MALRD1: variants seen among roughly 807,000 people sequenced by gnomAD.
MALRD1 encodes MAM and LDL-receptor class A domain-containing protein 1.
MALRD1 carries 247 observed loss-of-function variants against 242.1 expected under a neutral mutation model. The observed-to-expected ratio is 1.02, with a 90% CI of 0.92 to 1.13. The LOEUF (loss-of-function observed/expected upper bound fraction) is 1.13, where lower values mean the gene tolerates loss of function less well. Ranked by LOEUF, MALRD1 falls within the 50% of genes most tolerant of loss-of-function variation. MALRD1 has a pLI of 0.00. For missense variants in MALRD1, 2,989 were observed against 2,533.1 expected (o/e 1.18, Z -3.86); for synonymous variants, 995 against 866.6 (o/e 1.15, Z -2.60).
At chr10:19,513,130 A>G (rs2131294033) in intron 31 of MALRD1, among the ~76,000 whole-genome samples, 1 of 152,276 alleles carries the variant, frequency 6.6e-6, no homozygotes, top group East Asian at 1.9e-4. Context: ...TCATGTTAAA[A>G]GGTAATCCCC....
At chr10:19,508,075 A>G (rs1450300835) in intron 31 of MALRD1, among the ~76,000 whole-genome samples, 2 of 150,654 alleles carry the variant, frequency 1.3e-5, no homozygotes, top group East Asian at 3.9e-4. Flanking sequence ...GTTGTTGTTG[A>G]TAAGTGCTAT....
At chr10:19,412,036 C>T (rs750339142) in intron 28 of MALRD1, among the ~76,000 whole-genome samples, 2 of 152,204 alleles carry the variant, frequency 1.3e-5, no homozygotes, top group Non-Finnish European at 2.9e-5. Flanking sequence ...CAGTGACTCA[C>T]ACCTGCAATC....
intron 12 of MALRD1, 148 bp downstream of exon 12, chr10:19,155,320 C>T: frequency 2.5e-6 from 1 of 401,994 alleles, no homozygotes; most frequent in South Asian, 1.4e-4. Flanking sequence ...ACACAAAATG[C>T]TACGTCCTTC....
chr10:19,132,599 A>G (rs915083882), intron 8 of MALRD1, among the ~76,000 whole-genome samples: 2 of 152,170 alleles, frequency 1.3e-5, no homozygotes, highest in African/African-American at 4.8e-5. Context: ...ACAAATATTG[A>G]TATCAAGTAT....
chr10:19,544,760 C>T (rs1835135867), intron 32 of MALRD1, among the ~76,000 whole-genome samples: 1 of 152,044 alleles, frequency 6.6e-6, no homozygotes, highest in Non-Finnish European at 1.5e-5. Flanking sequence ...ATTTCTCTAC[C>T]TTCTTGGCAA....
At chr10:19,443,097 T>C (rs1834763483) in intron 28 of MALRD1, among the ~76,000 whole-genome samples, 1 of 152,236 alleles carries the variant, frequency 6.6e-6, no homozygotes. Context: ...TTTTCTAGTT[T>C]ATTTGCATAG....
intron 5 of MALRD1, among the ~76,000 whole-genome samples, chr10:19,106,308 G>A (rs1049988887): frequency 2.0e-5 from 3 of 151,764 alleles, no homozygotes; most frequent in Non-Finnish European, 4.4e-5. Flanking sequence ...CAGGTTCTGG[G>A]TTGTTCTTTG....
rs539924326 is a variant in MALRD1, at chr10:19,354,619, T to G, written c.4441+2322T>G. 5.9e-5 allele frequency among the ~76,000 whole-genome samples: 9 copies of G among 152,256 alleles called. No homozygotes were observed. In the South Asian group the frequency reaches 1.7e-3, roughly 28 times the overall value. On this transcript the variant is annotated intron_variant, in intron 26 of 39. Transcript: ENST00000454679. The stretch of plus-strand genomic sequence containing the variant: ...GTTCTCGCATGTGAGTGAGAACACG[T>G]GATATTTGTCTCTCTGCCTGGCTTA...
At chr10:19,151,213 T>G (rs1833934155) in intron 11 of MALRD1, among the ~76,000 whole-genome samples, 1 of 152,150 alleles carries the variant, frequency 6.6e-6, no homozygotes. Context: ...TGTCTCAATT[T>G]ATTTGGGTTC....
chr10:19,447,823 C>G (rs1835085353), intron 28 of MALRD1, among the ~76,000 whole-genome samples: 1 of 152,064 alleles, frequency 6.6e-6, no homozygotes, highest in South Asian at 2.1e-4. Flanking sequence ...AAAGACTAAC[C>G]TTGAGAAGGA....
intron 24 of MALRD1, among the ~76,000 whole-genome samples, chr10:19,337,262 A>C (rs1198502738): frequency 6.6e-6 from 1 of 152,158 alleles, no homozygotes; most frequent in Non-Finnish European, 1.5e-5. Flanking sequence ...GCTTGTTAAG[A>C]GGTGATCAGT....
chr10:19,337,810 C>T (rs1009144815), intron 24 of MALRD1, among the ~76,000 whole-genome samples: 4 of 151,948 alleles, frequency 2.6e-5, no homozygotes, highest in Non-Finnish European at 4.4e-5. Context: ...CGACTGTAAT[C>T]CCAGCACTTT....
intron 11 of MALRD1, among the ~76,000 whole-genome samples, chr10:19,146,808 C>T (rs1352067596): frequency 6.6e-6 from 1 of 152,258 alleles, no homozygotes. Context: ...AATAAACAGT[C>T]TTATTCTTCC....
intron 24 of MALRD1, among the ~76,000 whole-genome samples, chr10:19,333,310 C>G (rs912458188): frequency 6.6e-6 from 1 of 152,064 alleles, no homozygotes; most frequent in East Asian, 1.9e-4. Context: ...TCTCTTCACT[C>G]TAGTAGTCCC....
Position 19,209,418 on chromosome 10 carries a change from A to G in MALRD1, c.2729A>G (p.His910Arg). The change falls in exon 18 of 40, where the codon CAC (histidine) becomes CGC (arginine). Residue 910 changes from histidine (H) to arginine (R), a missense_variant. Transcript: ENST00000454679. ...KDNTLGTAKG[H>R]YLYIESSEPQ... ...AACACTCTGGGCACAGCTAAAGGAC[A>G]CTATCTCTACATAGAATCTTCAGAG... The G allele has an allele frequency of 6.4e-7, 1 of 1,551,024 alleles. No homozygotes were observed. The highest frequency in any genetic ancestry group is 8.7e-7 in the Non-Finnish European group (1 of 1,147,098).
intron 14 of MALRD1, among the ~76,000 whole-genome samples, chr10:19,203,115 T>C (rs1474651186): frequency 6.6e-6 from 1 of 152,188 alleles, no homozygotes; most frequent in Non-Finnish European, 1.5e-5. Context: ...TTTCTCTTCT[T>C]CCTTTTTTCC....
At chr10:19,441,782 T>C (rs1834667308) in intron 28 of MALRD1, among the ~76,000 whole-genome samples, 1 of 151,574 alleles carries the variant, frequency 6.6e-6, no homozygotes, top group South Asian at 2.1e-4. Flanking sequence ...TCCAGCTTTG[T>C]TCTTTCGGCT....
At chr10:19,428,418 G>A (rs539762119) in intron 28 of MALRD1, among the ~76,000 whole-genome samples, 34 of 151,948 alleles carry the variant, frequency 2.2e-4, no homozygotes, top group African/African-American at 6.5e-4. Context: ...CCCTGAATAC[G>A]ATCTTCTGCC....
intron 33 of MALRD1, among the ~76,000 whole-genome samples, chr10:19,588,366 G>C (rs1837559896): frequency 2.0e-5 from 3 of 152,140 alleles, no homozygotes; most frequent in Admixed American, 2.0e-4. Flanking sequence ...CACATCTCAT[G>C]CCATTTACTC....
Sources: gnomAD v4.1 joint callset for allele counts (sites outside exome capture counted in the v4.1 genomes callset) on GRCh38, gnomAD v4.1.1 for gene constraint, MANE v1.5 for transcripts, NCBI Gene and HGNC (gene_info 2026-07-23, HGNC 2026-07-21) for gene names.